SH3GL2: variants seen among roughly 807,000 people sequenced by gnomAD.
SH3GL2 encodes the protein endophilin-A1.
Under a neutral mutation model 46.0 loss-of-function variants are expected in SH3GL2, and 24 were observed. The ratio of observed to expected loss-of-function variants is 0.52; its 90% confidence interval spans 0.38 to 0.73. The LOEUF is 0.73. Ranked by LOEUF, SH3GL2 falls within the 30% of genes least tolerant of loss-of-function variation. The probability of loss-of-function intolerance (pLI) is 0.00; values close to 1 mark genes in which losing one functional copy is unlikely to be tolerated. For synonymous variants in SH3GL2, 196 were observed against 147.1 expected (o/e 1.33, Z -2.40); for missense variants, 413 against 424.2 (o/e 0.97, Z 0.23).
chr9:17,640,326 T>C (rs1819647363), intron 1 of SH3GL2, among the ~76,000 whole-genome samples: 2 of 152,208 alleles, frequency 1.3e-5, no homozygotes, highest in South Asian at 4.1e-4. Flanking sequence ...AGTCATTATA[T>C]GACTAGAGAA....
chr9:17,789,522 C>T lies in SH3GL2; in HGVS notation c.596C>T (p.Ser199Leu), dbSNP rs1466875562. 6.2e-7 allele frequency: 1 copy of T among 1,613,408 alleles called. No individual in the cohort carries two copies. The highest frequency in any genetic ancestry group is 8.5e-7 in the Non-Finnish European group (1 of 1,179,518). Residue 199 changes from serine (S) to leucine (L), a missense_variant, in exon 6 of 9, where the codon TCA becomes TTA. By Grantham distance (145) the Ser-to-Leu change is moderately radical. Transcript: ENST00000380607. ...GATGAGTCTAAGGAAATTGCTGAGT[C>T]AAGCATGTTCAATCTCTTGGAGATG... The part of the protein sequence containing the change: ...KFDESKEIAE[S>L]SMFNLLEMDI...
intron 1 of SH3GL2, among the ~76,000 whole-genome samples, chr9:17,633,326 T>G (rs1426855400): frequency 6.6e-6 from 1 of 152,136 alleles, no homozygotes; most frequent in African/African-American, 2.4e-5. Context: ...GATGTGCACA[T>G]CCATTGTGGG....
rs544281161 is a variant in SH3GL2 at position 17,684,659 on chromosome 9, C to G, written c.46-62407C>G. Among the ~76,000 whole-genome samples the G allele has an allele frequency of 2.6e-5, 4 of 152,200 alleles. No homozygotes were observed. The South Asian group carries it at 8.3e-4, about 32-fold the overall frequency. On this transcript the variant is annotated intron_variant, in intron 1 of 8. Transcript: ENST00000380607. Reference sequence around the variant, plus strand: ...GAATACCCTGCAACACACATACAGTCAGACATATTGTATTCACACTGAGAA... The same window carrying G: ...GAATACCCTGCAACACACATACAGTGAGACATATTGTATTCACACTGAGAA...
intron 2 of SH3GL2, among the ~76,000 whole-genome samples, chr9:17,757,349 A>G (rs2131145403): frequency 6.6e-6 from 1 of 152,352 alleles, no homozygotes; most frequent in East Asian, 1.9e-4. Flanking sequence ...CAGCAAAAGA[A>G]ACTACCATCA....
intron 1 of SH3GL2, among the ~76,000 whole-genome samples, chr9:17,608,610 A>T (rs1818803280): frequency 6.6e-6 from 1 of 152,190 alleles, no homozygotes; most frequent in Non-Finnish European, 1.5e-5. Context: ...CTGCTTTGAC[A>T]TTCTCTAGGC....
intron 4 of SH3GL2, 33 bp from the exon 5 acceptor site, chr9:17,787,347 T>A (rs1343525406): frequency 1.3e-6 from 2 of 1,594,364 alleles, no homozygotes; most frequent in Non-Finnish European, 1.7e-6. Flanking sequence ...TCATCTTTAT[T>A]CTGTAACATG....
chr9:17,762,092 A>T (rs1371303348), intron 3 of SH3GL2, among the ~76,000 whole-genome samples: 5 of 152,330 alleles, frequency 3.3e-5, no homozygotes, highest in Admixed American at 1.3e-4. Flanking sequence ...GACCAGGCAG[A>T]GTTGGGGCAG....
At chr9:17,723,093 A>G (rs1199329873) in intron 1 of SH3GL2, among the ~76,000 whole-genome samples, 2 of 152,178 alleles carry the variant, frequency 1.3e-5, no homozygotes, top group Admixed American at 6.6e-5. Context: ...AATGTTTTCC[A>G]GATGCCAGTG....
Position 17,786,424 on chromosome 9 carries a change from C to T in SH3GL2, c.231C>T (p.Ile77=), listed in dbSNP as rs145027036. Reference sequence around the variant, plus strand: ...GCATGATCAACACCATGTCAAAAATCCGTGGCCAGGAGAAGGGGCCAGGCT... The same window carrying T: ...GCATGATCAACACCATGTCAAAAATTCGTGGCCAGGAGAAGGGGCCAGGCT... ...KLSMINTMSK[I]RGQEKGPGYP... The change falls in exon 4 of 9, where the codon ATC becomes ATT. Residue 77 remains isoleucine (I), a synonymous_variant. Coordinates refer to ENST00000380607, the MANE Select transcript of SH3GL2 (RefSeq NM_003026.5). 469 of 1,613,424 alleles carry T rather than the reference C, an allele frequency of 2.9e-4. 1 individual carries two copies. The highest frequency in any genetic ancestry group is 3.7e-4 in the Non-Finnish European group (434 of 1,179,610).
intron 1 of SH3GL2, among the ~76,000 whole-genome samples, chr9:17,673,368 G>A (rs1427639300): frequency 6.7e-6 from 1 of 148,956 alleles, no homozygotes; most frequent in East Asian, 2.0e-4. Context: ...TGCCGAGGCT[G>A]GTCCCGAATG....
At chr9:17,706,316 G>A (rs562868477) in intron 1 of SH3GL2, among the ~76,000 whole-genome samples, 92 of 152,118 alleles carry the variant, frequency 6.0e-4, no homozygotes, top group South Asian at 1.9e-3. Flanking sequence ...GTGTGTTGAA[G>A]TTTTGAATAA....
At chr9:17,579,547 C>G (rs554893537) in intron 1 of SH3GL2, among the ~76,000 whole-genome samples, 13 of 152,130 alleles carry the variant, frequency 8.5e-5, no homozygotes, top group African/African-American at 1.2e-4. Flanking sequence ...CTGCTCGCCG[C>G]CCCCGCATCA....
chr9:17,718,153 T>C (rs1261123827), intron 1 of SH3GL2, among the ~76,000 whole-genome samples: 2 of 152,136 alleles, frequency 1.3e-5, no homozygotes, highest in South Asian at 2.1e-4. Flanking sequence ...TGTAATACTT[T>C]AGCATTTACC....
intron 1 of SH3GL2, among the ~76,000 whole-genome samples, chr9:17,740,618 A>G (rs570888744): frequency 1.3e-5 from 2 of 152,272 alleles, no homozygotes; most frequent in Admixed American, 6.5e-5. Context: ...GTAGTGTCCT[A>G]CAGGGATAGC....
At position 17,761,390 on chromosome 9, in the gene SH3GL2, A is replaced by G. The variant is rs190590254; in HGVS notation, c.115-47A>G. 67 of 1,221,496 alleles carry G rather than the reference A, an allele frequency of 5.5e-5. 1 individual carries two copies. In the East Asian group the frequency reaches 7.0e-4, roughly 13 times the overall value. The allele number at this position is 1,221,496 out of a possible 1,614,324, so 75.7% of individuals were successfully genotyped here. On this transcript the variant is annotated intron_variant, in intron 2 of 8. Coordinates refer to ENST00000380607, the MANE Select transcript of SH3GL2 (RefSeq NM_003026.5). ...AGACTCAACCAAAAACCGGTATTCT[A>G]AAGCTCATCATTTTTGTCATTTAGA...
At chr9:17,645,820 C>A (rs1180758199) in intron 1 of SH3GL2, among the ~76,000 whole-genome samples, 7 of 152,056 alleles carry the variant, frequency 4.6e-5, no homozygotes, top group African/African-American at 1.7e-4. Flanking sequence ...TCCTTCATTT[C>A]AACCTTGGTG....
At chr9:17,659,009 C>G (rs1588212154) in intron 1 of SH3GL2, among the ~76,000 whole-genome samples, 1 of 152,158 alleles carries the variant, frequency 6.6e-6, no homozygotes, top group Non-Finnish European at 1.5e-5. Flanking sequence ...AAGAAAGGAG[C>G]TGAAGGCTCA....
At chr9:17,756,214 C>T (rs539858545) in intron 2 of SH3GL2, among the ~76,000 whole-genome samples, 2 of 152,092 alleles carry the variant, frequency 1.3e-5, no homozygotes, top group South Asian at 2.1e-4. Context: ...ATAGTAGTCT[C>T]ATTTCAAATT....
chr9:17,592,725 T>G (rs1360770841), intron 1 of SH3GL2, among the ~76,000 whole-genome samples: 2 of 151,880 alleles, frequency 1.3e-5, no homozygotes, highest in African/African-American at 4.9e-5. Flanking sequence ...CGTCTCCCTG[T>G]TTCCTCACAG....
Sources: gnomAD v4.1 joint callset for allele counts (sites outside exome capture counted in the v4.1 genomes callset) on GRCh38, gnomAD v4.1.1 for gene constraint, MANE v1.5 for transcripts, NCBI Gene and HGNC (gene_info 2026-07-23, HGNC 2026-07-21) for gene names.